Variants in CCNA1 observed in about 807,000 individuals in gnomAD.
CCNA1 encodes the protein cyclin A1, also known as cyclin-A1.
In CCNA1, 23 loss-of-function variants were observed where a neutral mutation model predicts 54.1. The observed-to-expected ratio is 0.42, with a 90% CI of 0.31 to 0.60. The LOEUF (loss-of-function observed/expected upper bound fraction) is 0.60, where lower values mean the gene tolerates loss of function less well. Ranked by LOEUF, CCNA1 falls within the 20% of genes least tolerant of loss-of-function variation. CCNA1 has a pLI of 0.14. For missense variants in CCNA1, 450 were observed against 556.7 expected (o/e 0.81, Z 1.93); for synonymous variants, 208 against 213.9 (o/e 0.97, Z 0.24).
At chr13:36,437,273 A>T (rs528245533) in intron 2 of CCNA1, among the ~76,000 whole-genome samples, 1 of 152,320 alleles carries the variant, frequency 6.6e-6, no homozygotes, top group East Asian at 1.9e-4. Context: ...AAATCTCATG[A>T]TGCTATAAAT....
chr13:36,432,267 G>A (rs1357493904), upstream of CCNA1: 3 of 232,172 alleles, frequency 1.3e-5, no homozygotes, highest in Admixed American at 5.4e-5. Flanking sequence ...CTGATTGGCC[G>A]ATTCAACAGA....
rs760364496 is a variant in CCNA1 at position 36,442,256 on chromosome 13, T to A, written c.1298T>A (p.Ile433Lys). 5.0e-6 allele frequency: 8 copies of A among 1,614,082 alleles called. No homozygotes were observed. The highest frequency in any genetic ancestry group is 6.8e-6 in the Non-Finnish European group (8 of 1,179,976). ...GAGCTTCATAAAGCGTACCTTGATA[T>A]ACCCCATCGACCTCAGCAAGCAATT... The change falls in exon 8 of 9, where the codon ATA becomes AAA. Residue 433 changes from isoleucine to lysine, a missense_variant. Around this residue, in one of 6 missense-constraint regions of CCNA1, gnomAD observed 53 missense variants for 50.1 expected, o/e 1.06. Transcript: ENST00000255465.
At position 36,433,102 on chromosome 13, in the gene CCNA1, G is replaced by A. The variant is rs769594081; in HGVS notation, c.178G>A (p.Ala60Thr). The A allele has an allele frequency of 6.2e-7, 1 of 1,614,178 alleles. No homozygotes were observed. The highest frequency in any genetic ancestry group is 8.5e-7 in the Non-Finnish European group (1 of 1,180,032). ...GAGTGGAGTTGTGCTGGCTACAGTG[G>A]CCCGAGGTCCCGATGCTTGTCAGAT... The change falls in exon 2 of 9, where the codon GCC becomes ACC. Residue 60 changes from alanine to threonine, a missense_variant. Ala to Thr is a moderately conservative substitution (Grantham distance 58). Transcript: ENST00000255465.
chr13:36,437,457 G>A (rs536251073), intron 2 of CCNA1, among the ~76,000 whole-genome samples, 172 bp from the exon 3 acceptor site: 5 of 152,112 alleles, frequency 3.3e-5, no homozygotes, highest in African/African-American at 1.2e-4. Context: ...AGATAAGGGG[G>A]GAAAAATTAC....
chr13:36,432,830 C>A, intron 1 of CCNA1, 101 bp downstream of exon 1: 1 of 987,600 alleles, frequency 1.0e-6, no homozygotes, highest in Non-Finnish European at 1.6e-6. Context: ...CTCAGGGATT[C>A]AAATAACTGT....
At chr13:36,439,936 C>CT in intron 5 of CCNA1, 43 bp from the exon 6 acceptor site, 1 of 1,412,136 alleles carries the variant, frequency 7.1e-7, no homozygotes, top group Non-Finnish European at 1.0e-6. Flanking sequence ...GGAGTAGAGC[C>CT]AAAGGTTCTA....
At chr13:36,434,109 C>T (rs757980825) in intron 2 of CCNA1, among the ~76,000 whole-genome samples, 3 of 152,104 alleles carry the variant, frequency 2.0e-5, no homozygotes, top group Non-Finnish European at 4.4e-5. Flanking sequence ...GTGTTCATTG[C>T]GGATAGTGTT....
rs770432581 is a variant in CCNA1 at position 36,438,735 on chromosome 13, T to C, written c.761T>C (p.Val254Ala). 1 of 1,610,608 alleles carries C rather than the reference T, an allele frequency of 6.2e-7. No individual in the cohort carries two copies. The stretch of plus-strand genomic sequence containing the variant: ...ATTCTGGTGGACTGGCTGGTGGAGG[T>C]TGGGGAAGAATATAAACTTCGAGCA... Residue 254 changes from valine (V) to alanine (A), a missense_variant, in exon 5 of 9, where the codon GTT (valine) becomes GCT (alanine). Physicochemically the swap from Val to Ala is moderately conservative, Grantham distance 64. Transcript: ENST00000255465.
chr13:36,438,188 T>C lies in CCNA1; in HGVS notation c.666T>C (p.Ala222=). The C allele has an allele frequency of 6.2e-7, 1 of 1,609,400 alleles. No individual in the cohort carries two copies. Among genetic ancestry groups the C allele is most frequent in the Non-Finnish European group, 8.5e-7 (1 of 1,178,546 alleles). The change falls in exon 4 of 9, where the codon GCT becomes GCC. Residue 222 remains alanine, a synonymous_variant. Transcript: ENST00000255465. ...AAATTTATCAGTACCTTAGGGAAGCTGAAGTAAGTTTTCCCACCTTCTACT... is the reference window on the plus strand; with the variant it reads ...AAATTTATCAGTACCTTAGGGAAGCCGAAGTAAGTTTTCCCACCTTCTACT...
intron 2 of CCNA1, among the ~76,000 whole-genome samples, chr13:36,436,238 C>CA (rs1049815181): frequency 1.2e-4 from 18 of 152,170 alleles, no homozygotes; most frequent in African/African-American, 3.6e-4. Flanking sequence ...TCAGCCTTGG[C>CA]AAGTGAACAA....
chr13:36,441,279 T>A, intron 7 of CCNA1, 48 bp downstream of exon 7: 1 of 1,164,112 alleles, frequency 8.6e-7, no homozygotes, highest in Non-Finnish European at 1.3e-6. Flanking sequence ...CTATCTAGAA[T>A]GGGCTTGCCT....
At chr13:36,434,833 C>A (rs111344786) in intron 2 of CCNA1, among the ~76,000 whole-genome samples, 22 of 148,998 alleles carry the variant, frequency 1.5e-4, no homozygotes, top group South Asian at 6.4e-4. Context: ...GGTGCCCCCC[C>A]CCCCGCGCCA....
At chr13:36,437,574 A>G in intron 2 of CCNA1, 55 bp from the exon 3 acceptor site, 1 of 1,576,048 alleles carries the variant, frequency 6.3e-7, no homozygotes, top group South Asian at 1.2e-5. Flanking sequence ...GCAGGTTCAC[A>G]TTGCCTCTGT....
intron 5 of CCNA1, among the ~76,000 whole-genome samples, chr13:36,439,618 T>C (rs757407780): frequency 9.9e-5 from 15 of 152,228 alleles, no homozygotes; most frequent in Non-Finnish European, 1.8e-4. Flanking sequence ...ACTGTGTTGA[T>C]CTTAACACTT....
rs749452494 is a variant in CCNA1, at chr13:36,437,874, A to G, written c.543A>G (p.Thr181=). 6.2e-7 allele frequency: 1 copy of G among 1,612,924 alleles called. No individual in the cohort carries two copies. Among genetic ancestry groups the G allele is most frequent in the South Asian group, 1.1e-5 (1 of 90,926 alleles). Residue 181 remains threonine (T), a splice_region_variant and synonymous_variant, in exon 3 of 9, where the codon ACA becomes ACG. Transcript: ENST00000255465. ...TGCACTTCCTGCTGGATTTCAACAC[A>G]GGTAACTGACTTGCCTATGGTTGAT...
intron 5 of CCNA1, among the ~76,000 whole-genome samples, chr13:36,439,674 C>G (rs2055851109): frequency 6.6e-6 from 1 of 152,130 alleles, no homozygotes; most frequent in African/African-American, 2.4e-5. Context: ...TAGGAATTTA[C>G]CTGTAGTGTC....
At chr13:36,431,694 C>T (rs2055708621), upstream of CCNA1, 1 of 152,342 alleles carries the variant, frequency 6.6e-6, no homozygotes, top group Non-Finnish European at 1.5e-5. Context: ...CGCAAGGACC[C>T]CCGCGATGGA....
intron 2 of CCNA1, 144 bp downstream of exon 2, chr13:36,433,365 A>C: frequency 2.8e-6 from 1 of 356,730 alleles, no homozygotes. Context: ...AAGTTGATTG[A>C]TTTATTTTCT....
chr13:36,438,420 A>G (rs900868609), intron 4 of CCNA1, among the ~76,000 whole-genome samples: 3 of 152,160 alleles, frequency 2.0e-5, no homozygotes, highest in Non-Finnish European at 4.4e-5. Context: ...GGAATAATTC[A>G]TATTGCCATT....
Sources: gnomAD v4.1 joint callset for allele counts (sites outside exome capture counted in the v4.1 genomes callset) on GRCh38, gnomAD v4.1.1 for gene constraint, gnomAD v4.1.1 regional missense constraint, MANE v1.5 for transcripts, NCBI Gene and HGNC (gene_info 2026-07-23, HGNC 2026-07-21) for gene names.